NPIPA5: variants seen among roughly 807,000 people sequenced by gnomAD.
The protein encoded by NPIPA5 is nuclear pore complex-interacting protein family member A5.
NPIPA5 carries 6 observed loss-of-function variants against 21.4 expected under a neutral mutation model. The ratio of observed to expected loss-of-function variants is 0.28; its 90% confidence interval spans 0.15 to 0.55. NPIPA5 has a LOEUF of 0.55. NPIPA5 is among the 20% of genes least tolerant of loss of function. The pLI is 0.93. For missense variants in NPIPA5, 99 were observed against 318.2 expected, an observed-to-expected ratio of 0.31 and a Z score of 5.24; for synonymous variants, 33 against 115.3, an observed-to-expected ratio of 0.29 and a Z score of 4.57.
In NPIPA5 at chr16:15,366,058, G is replaced by C. The variant is rs1321463187; in HGVS notation, c.546-424C>G. The stretch of plus-strand genomic sequence containing the variant: ...CACTCCAGCCTGGGTGACACAGCGA[G>C]ACTCCATCTCAGAAAAACAAAAACA... On this transcript the variant is annotated intron_variant, in intron 5 of 7. Coordinates refer to ENST00000360151, the MANE Select transcript of NPIPA5 (RefSeq NM_001277325.2). 4.4e-5 allele frequency among the ~76,000 whole-genome samples: 2 copies of C among 45,088 alleles called. 1 individual carries two copies. Among genetic ancestry groups the C allele is most frequent in the Non-Finnish European group, 1.0e-4 (2 of 19,848 alleles). The allele number at this position is 45,088 out of a possible 152,430, so 29.6% of individuals were successfully genotyped here.
At chr16:15,380,429 T>C (rs2050412005), upstream of NPIPA5, among the ~76,000 whole-genome samples, 1 of 151,834 alleles carries the variant, frequency 6.6e-6, no homozygotes, top group Admixed American at 6.6e-5. Context: ...TTTCAGCAAT[T>C]CTCCTGTCTC....
chr16:15,366,694 C>T lies in NPIPA5; in HGVS notation c.504G>A (p.Glu168=). Residue 168 remains glutamate, a synonymous_variant, in exon 5 of 8, where the codon GAG becomes GAA. Transcript: ENST00000360151. ...CTTTCATATCCAATTTCCCATTTTC[C>T]TCTGCCTCTGACACCTGCCTCTCCT... ...GEKERQVSEA[E]ENGKLDMKEI... The T allele has an allele frequency of 6.6e-7, 1 of 1,511,084 alleles. No individual in the cohort carries two copies. The highest frequency in any genetic ancestry group is 8.8e-7 in the Non-Finnish European group (1 of 1,130,520). The allele number at this position is 1,511,084 out of a possible 1,614,324, so 93.6% of individuals were successfully genotyped here.
intron 1 of NPIPA5, among the ~76,000 whole-genome samples, chr16:15,374,485 C>T (rs545702533): frequency 1.7e-4 from 25 of 150,808 alleles, no homozygotes; most frequent in African/African-American, 4.9e-4. Context: ...TGTGAGCCAC[C>T]GTGCCCAGCC....
In NPIPA5 at chr16:15,373,852, A is replaced by T; in HGVS notation, c.64-9T>A. The T allele has an allele frequency of 5.4e-5, 3 of 55,582 alleles. No individual in the cohort carries two copies. The highest frequency in any genetic ancestry group is 9.4e-5 in the Non-Finnish European group (3 of 31,774). The allele number at this position is 55,582 out of a possible 1,614,324, so 3.4% of individuals were successfully genotyped here. ...GCCAGAGTATTGATAACCTGGAATA[A>T]TAATAGTTGAAATAATGAAAAGGTC... On this transcript the variant is annotated splice_polypyrimidine_tract_variant and intron_variant, in intron 1 of 7. Transcript: ENST00000360151.
At chr16:15,370,421 G>GAC in intron 2 of NPIPA5, among the ~76,000 whole-genome samples, 1 of 73,300 alleles carries the variant, frequency 1.4e-5, no homozygotes, top group South Asian at 5.4e-4. Flanking sequence ...ATGAGACTCT[G>GAC]TCACACACAC....
chr16:15,381,434 A>C (rs1312053067), upstream of NPIPA5: 1 of 924,374 alleles, frequency 1.1e-6, no homozygotes, highest in Non-Finnish European at 1.3e-6. Flanking sequence ...AACCTACAAA[A>C]AAAGAAAATG....
chr16:15,380,042 A>AT (rs1277121805), upstream of NPIPA5, among the ~76,000 whole-genome samples: 1 of 151,526 alleles, frequency 6.6e-6, no homozygotes. Context: ...ATAAAAGATC[A>AT]TTTTTGAGAT....
chr16:15,381,571 C>T (rs1018994380), upstream of NPIPA5: 34 of 153,622 alleles, frequency 2.2e-4, no homozygotes, highest in Non-Finnish European at 4.0e-4. Context: ...ATGTGGGCTC[C>T]GGAGCCACAC....
chr16:15,379,428 G>A (rs1464861846), upstream of NPIPA5, among the ~76,000 whole-genome samples: 1 of 151,368 alleles, frequency 6.6e-6, no homozygotes, highest in Non-Finnish European at 1.5e-5. Context: ...TTAGCCGGGT[G>A]TGGTGGTGGG....
At chr16:15,367,523 G>C (rs1460019284) in intron 4 of NPIPA5, among the ~76,000 whole-genome samples, 2 of 151,962 alleles carry the variant, frequency 1.3e-5, no homozygotes, top group African/African-American at 2.4e-5. Flanking sequence ...AAAGGAAACG[G>C]CCTCAAAAGG....
At chr16:15,374,584 AC>A (rs1295927219) in intron 1 of NPIPA5, among the ~76,000 whole-genome samples, 2 of 142,672 alleles carry the variant, frequency 1.4e-5, no homozygotes, top group Non-Finnish European at 3.0e-5. Context: ...CTCTCGGCTC[AC>A]TGCAACCTCT....
At chr16:15,370,780 G>A (rs1286069690) in intron 2 of NPIPA5, among the ~76,000 whole-genome samples, 5 of 147,988 alleles carry the variant, frequency 3.4e-5, no homozygotes, top group African/African-American at 1.2e-4. Flanking sequence ...GCCAGGTGCG[G>A]TAGCTCACGC....
At position 15,363,820 on chromosome 16, in the gene NPIPA5, G is replaced by C. The variant is rs746817043; in HGVS notation, c.892C>G (p.Leu298Val). The C allele has an allele frequency of 6.7e-7, 1 of 1,496,400 alleles. No homozygotes were observed. Among genetic ancestry groups the C allele is most frequent in the Non-Finnish European group, 9.0e-7 (1 of 1,112,188 alleles). The allele number at this position is 1,496,400 out of a possible 1,614,324, so 92.7% of individuals were successfully genotyped here. ...CLLTPLPPSA[L>V]PSADDNLKTP... is the part of the protein sequence containing the mutation. The stretch of plus-strand genomic sequence containing the variant: ...TTGAGATTATCATCCGCTGAGGGTA[G>C]AGCTGAGGGTGGAAGGGGAGTGAGC... Residue 298 changes from leucine (L) to valine (V), a missense_variant, in exon 8 of 8, where the codon CTA (leucine) becomes GTA (valine). By Grantham distance (32) the Leu-to-Val change is conservative. Coordinates refer to ENST00000360151, the MANE Select transcript of NPIPA5 (RefSeq NM_001277325.2).
chr16:15,375,814 ATTG>A (rs1567415718), intron 1 of NPIPA5, among the ~76,000 whole-genome samples: 1 of 151,644 alleles, frequency 6.6e-6, no homozygotes, highest in Admixed American at 6.6e-5. Flanking sequence ...TTTCTCTAAG[ATTG>A]TTGATATTAA....
intron 1 of NPIPA5, among the ~76,000 whole-genome samples, chr16:15,375,415 A>G (rs1731606739): frequency 1.4e-5 from 2 of 146,540 alleles, no homozygotes; most frequent in East Asian, 2.1e-4. Flanking sequence ...AGATTATTTC[A>G]TTCACAAATA....
rs1330807231 is a variant in NPIPA5 at position 15,372,060 on chromosome 16, T to C, written c.192+1655A>G. Reference sequence around the variant, plus strand: ...AATGCCATCACACATGAATGCTTCATGACACCCATGATGTCCCTGCTTAGG... The same window carrying C: ...AATGCCATCACACATGAATGCTTCACGACACCCATGATGTCCCTGCTTAGG... On this transcript the variant is annotated intron_variant, in intron 2 of 7. Coordinates refer to ENST00000360151, the MANE Select transcript of NPIPA5 (RefSeq NM_001277325.2). 2.7e-5 allele frequency among the ~76,000 whole-genome samples: 4 copies of C among 148,510 alleles called. 1 individual carries two copies. Among genetic ancestry groups the C allele is most frequent in the Non-Finnish European group, 4.5e-5 (3 of 67,254 alleles).
intron 2 of NPIPA5, among the ~76,000 whole-genome samples, chr16:15,370,809 G>T (rs2050135503): frequency 6.8e-6 from 1 of 148,026 alleles, no homozygotes; most frequent in East Asian, 2.0e-4. Flanking sequence ...CCAGCACTTT[G>T]GGAGGCCGAG....
chr16:15,363,665 T>A lies in NPIPA5; in HGVS notation c.1047A>T (p.Arg349Ser). The A allele has an allele frequency of 6.7e-7, 1 of 1,499,858 alleles. No individual in the cohort carries two copies. The highest frequency in any genetic ancestry group is 8.9e-7 in the Non-Finnish European group (1 of 1,119,404). 92.9% of individuals were successfully genotyped at this position (1,499,858 alleles called of 1,614,324 possible). The change falls in exon 8 of 8, where the codon AGA (arginine) becomes AGT (serine). Residue 349 changes from arginine to serine, a missense_variant. Physicochemically the swap from Arg to Ser is moderately radical, Grantham distance 110. This residue lies in a region of NPIPA5 where 75 missense variants were observed against 138.5 expected (regional missense o/e 0.54). Transcript: ENST00000360151. Reference protein sequence around the residue: ...PFHPQRMIISRN With the variant: ...PFHPQRMIISSN ...ATTATTTATTTATTCTTCATTAGTT[T>A]CTTGAGATTATCATCCGCTGAGGGT...
upstream of NPIPA5, among the ~76,000 whole-genome samples, chr16:15,379,042 A>T (rs1390828878): frequency 1.3e-5 from 2 of 150,872 alleles, no homozygotes; most frequent in Non-Finnish European, 3.0e-5. Flanking sequence ...ACTGTCCATC[A>T]CCTTTCCTGG....
Sources: allele counts gnomAD v4.1 joint callset (sites outside exome capture counted in the v4.1 genomes callset), GRCh38; gene constraint gnomAD v4.1.1; regional missense constraint gnomAD v4.1.1; transcripts MANE v1.5; gene names NCBI Gene and HGNC (gene_info 2026-07-23, HGNC 2026-07-21).